The following FBXL18 variants were observed in gnomAD, a reference collection of about 807,000 sequenced individuals.
The protein encoded by FBXL18 is F-box/LRR-repeat protein 18.
FBXL18 carries 36 observed loss-of-function variants against 46.0 expected under a neutral mutation model. The ratio of observed to expected loss-of-function variants is 0.78; its 90% CI spans 0.60 to 1.03. FBXL18 has a LOEUF of 1.03. FBXL18 is among the 50% of genes least tolerant of loss of function. FBXL18 has a pLI of 0.00. For synonymous variants in FBXL18, 557 were observed against 465.3 expected (o/e 1.20, Z -2.54); for missense variants, 977 against 1,004.1 (o/e 0.97, Z 0.36).
rs138208570 is a variant in FBXL18 at position 5,462,950 on chromosome 7, C to CAAAAAAAAAAAAA, written c.2001-15120_2001-15108dup. Reference sequence around the variant, plus strand: ...TGGGCGACAGAGTGAGACTTGGTCTCAAAAAAAAAAAAAAAAAAAATATAT... The same window carrying CAAAAAAAAAAAAA: ...TGGGCGACAGAGTGAGACTTGGTCTCAAAAAAAAAAAAAAAAAAAAAAAAAAAAAAAAATATAT... On this transcript the variant is annotated intron_variant and NMD_transcript_variant, in intron 4 of 6. Transcript: ENST00000415009. Among the ~76,000 whole-genome samples the CAAAAAAAAAAAAA allele has an allele frequency of 1.2e-3, 27 of 22,364 alleles. 1 individual carries two copies. The highest frequency in any genetic ancestry group is 2.0e-3 in the African/African-American group (15 of 7,510). 14.7% of individuals were successfully genotyped at this position (22,364 alleles called of 152,430 possible). A position where few individuals can be genotyped will look rare whatever the true frequency, so the allele number is the denominator to read the frequency against.
chr7:5,500,495 C>A lies in FBXL18; in HGVS notation c.1774G>T (p.Asp592Tyr). Residue 592 changes from aspartate (D) to tyrosine (Y), a missense_variant, in exon 3 of 5, where the codon GAC becomes TAC. Coordinates refer to ENST00000382368, the MANE Select transcript of FBXL18 (RefSeq NM_024963.6). ...DMLKHCKRLR[D>Y]LRLEQPYFSA... ...TCCCCGCGGCCCCCTCACCTGAGGT[C>A]CCTCAGCCGCTTGCAGTGCTTCAAC... 1 of 1,599,702 alleles carries A rather than the reference C, an allele frequency of 6.3e-7. No individual in the cohort carries two copies. Among genetic ancestry groups the A allele is most frequent in the South Asian group, 1.1e-5 (1 of 89,522 alleles).
chr7:5,487,027 G>A (rs975551798), intron 4 of FBXL18, among the ~76,000 whole-genome samples: 2 of 152,288 alleles, frequency 1.3e-5, no homozygotes, highest in Non-Finnish European at 2.9e-5. Context: ...CAAAGCAGGG[G>A]GCGGGGCCTG....
chr7:5,491,512 C>G (rs1016823023), intron 3 of FBXL18, 63 bp from the exon 4 acceptor site: 1 of 1,397,304 alleles, frequency 7.2e-7, no homozygotes, highest in Non-Finnish European at 9.6e-7. Context: ...GCCAGCTGGG[C>G]GTCTGGAGGT....
rs138208570 is a variant in FBXL18, at chr7:5,462,950, CAAAAA to C, written c.2001-15112_2001-15108del. Among the ~76,000 whole-genome samples, 37 of 22,378 alleles carry C rather than the reference CAAAAA, an allele frequency of 1.7e-3. 1 individual carries two copies. Among genetic ancestry groups the C allele is most frequent in the African/African-American group, 4.1e-3 (31 of 7,516 alleles). 14.7% of individuals were successfully genotyped at this position (22,378 alleles called of 152,430 possible). On this transcript the variant is annotated intron_variant and NMD_transcript_variant, in intron 4 of 6. Coordinates refer to the FBXL18 transcript ENST00000415009. ...TGGGCGACAGAGTGAGACTTGGTCT[CAAAAA>C]AAAAAAAAAAAAAAATATATATATA...
chr7:5,480,527 A>AATATATATATATATATATATATATAT lies in FBXL18; in HGVS notation c.*1247_*1248insATATATATATATATATATATATATAT, dbSNP rs770993214. On this transcript the variant is annotated 3_prime_UTR_variant, in exon 5 of 5. Coordinates refer to ENST00000382368, the MANE Select transcript of FBXL18 (RefSeq NM_024963.6). ...CAAGTGATCCTCCCAAAGTGTGTTG[A>AATATATATATATATATATATATATAT]ATATATATATATATATATATATTTT... is the stretch of plus-strand genomic sequence containing the variant. 4 of 68,092 alleles carry AATATATATATATATATATATATATAT rather than the reference A, an allele frequency of 5.9e-5. No homozygotes were observed. The highest frequency in any genetic ancestry group is 2.6e-4 in the African/African-American group (4 of 15,510). The allele number at this position is 68,092 out of a possible 1,614,324, so 4.2% of individuals were successfully genotyped here. A position where few individuals can be genotyped will look rare whatever the true frequency, so the allele number is the denominator to read the frequency against.
At chr7:5,492,537 G>C (rs1287768290) in intron 3 of FBXL18, among the ~76,000 whole-genome samples, 1 of 152,026 alleles carries the variant, frequency 6.6e-6, no homozygotes, top group Non-Finnish European at 1.5e-5. Flanking sequence ...ACTGAGCTGC[G>C]ACGCCCCCCC....
In FBXL18 at chr7:5,500,730, G is replaced by A. The variant is rs1405937741; in HGVS notation, c.1539C>T (p.Cys513=). ...EPAIRNSLPP[C]SRAQSVGDSE... ...AGTCCCCGACACTCTGTGCGCGGCTGCAGGGTGGGAGCGAGTTGCGGATGG... is the reference window on the plus strand; with the variant it reads ...AGTCCCCGACACTCTGTGCGCGGCTACAGGGTGGGAGCGAGTTGCGGATGG... Residue 513 remains cysteine (C), a synonymous_variant, in exon 3 of 5, where the codon TGC becomes TGT. Coordinates refer to ENST00000382368, the MANE Select transcript of FBXL18 (RefSeq NM_024963.6). The A allele has an allele frequency of 3.1e-6, 5 of 1,612,216 alleles. No individual in the cohort carries two copies. Among genetic ancestry groups the A allele is most frequent in the Non-Finnish European group, 4.2e-6 (5 of 1,179,638 alleles).
chr7:5,512,920 C>A (rs373224860), intron 1 of FBXL18, among the ~76,000 whole-genome samples: 13 of 152,266 alleles, frequency 8.5e-5, no homozygotes, highest in African/African-American at 2.4e-4. Flanking sequence ...CTCCCTAGAA[C>A]CCAGGCAAGC....
At chr7:5,475,461 G>A (rs908673060), downstream of FBXL18, among the ~76,000 whole-genome samples, 3 of 152,214 alleles carry the variant, frequency 2.0e-5, no homozygotes, top group Non-Finnish European at 4.4e-5. The surrounding 1 kb of genome is among the most constrained non-coding windows in gnomAD (Gnocchi z 4.2). Flanking sequence ...CCACAGGGAG[G>A]CTTTTGCAGT....
downstream of FBXL18, among the ~76,000 whole-genome samples, chr7:5,471,572 G>A (rs555187912): frequency 7.3e-5 from 11 of 149,966 alleles, no homozygotes; most frequent in Non-Finnish European, 1.2e-4. Context: ...CATCACGCCC[G>A]GCTAATTTTT....
chr7:5,484,961 T>G (rs1783737168), intron 4 of FBXL18, among the ~76,000 whole-genome samples: 1 of 152,076 alleles, frequency 6.6e-6, no homozygotes, highest in South Asian at 2.1e-4. Context: ...TTTTTATTTT[T>G]TGTAGAGACA....
At chr7:5,482,570 C>T (rs938869337) in intron 4 of FBXL18, among the ~76,000 whole-genome samples, 5 of 150,528 alleles carry the variant, frequency 3.3e-5, no homozygotes, top group East Asian at 2.0e-4. Context: ...ACAATTGCCA[C>T]GGGGTGCCCA....
At chr7:5,493,227 C>T (rs958628578) in intron 3 of FBXL18, among the ~76,000 whole-genome samples, 3 of 152,180 alleles carry the variant, frequency 2.0e-5, no homozygotes, top group Non-Finnish European at 2.9e-5. Context: ...CCCAGCTACT[C>T]GGGAAGCTGA....
rs1584236519 is a variant in FBXL18 at position 5,501,849 on chromosome 7, G to C, written c.420C>G (p.Leu140=). The C allele has an allele frequency of 6.2e-7, 1 of 1,600,110 alleles. No homozygotes were observed. The highest frequency in any genetic ancestry group is 2.3e-5 in the East Asian group (1 of 44,330). Residue 140 remains leucine, a synonymous_variant, in exon 3 of 5, where the codon CTC becomes CTG. Coordinates refer to ENST00000382368, the MANE Select transcript of FBXL18 (RefSeq NM_024963.6). ...HLTSLRLSKM[L]SALQHLRSLA... ...GCGAGCGCAGGTGCTGCAGGGCCGA[G>C]AGCATCTTGGAGAGGCGCAGGGAAG...
At chr7:5,511,348 G>A (rs1333616638) in intron 1 of FBXL18, among the ~76,000 whole-genome samples, 1 of 151,896 alleles carries the variant, frequency 6.6e-6, no homozygotes, top group East Asian at 1.9e-4. Context: ...GGAGGCCAAG[G>A]TGGGCGGATC....
intron 3 of FBXL18, among the ~76,000 whole-genome samples, chr7:5,495,633 A>G (rs1377624961): frequency 3.3e-5 from 5 of 152,230 alleles, no homozygotes; most frequent in Admixed American, 6.5e-5. Flanking sequence ...TGGGATTCCA[A>G]GCTCTGCCAC....
intron 1 of FBXL18, 30 bp from the exon 2 acceptor site, chr7:5,505,660 G>A (rs1784377415): frequency 6.3e-7 from 1 of 1,583,896 alleles, no homozygotes; most frequent in Non-Finnish European, 8.7e-7. Context: ...CATTCCCACA[G>A]GATCCCCAAG....
rs1410367330 is a variant in FBXL18 at position 5,477,446 on chromosome 7, T to C, written c.*4329A>G. Among the ~76,000 whole-genome samples, 1 of 152,154 alleles carries C rather than the reference T, an allele frequency of 6.6e-6. No homozygotes were observed. The highest frequency in any genetic ancestry group is 1.9e-4 in the East Asian group (1 of 5,172). On this transcript the variant is annotated 3_prime_UTR_variant, in exon 5 of 5. Transcript: ENST00000382368. This position sits in a 1 kb window ranked among gnomAD's most constrained non-coding sequence, Gnocchi z 4.4. ...CGCCAGGCACGGTGGCTCACACCTGTTATCCTAGCACTTTGGGAGGCCGAG... is the reference window on the plus strand; with the variant it reads ...CGCCAGGCACGGTGGCTCACACCTGCTATCCTAGCACTTTGGGAGGCCGAG...
chr7:5,463,728 A>ATTTATTTAT (rs1562672288), intron 4 of FBXL18, among the ~76,000 whole-genome samples: 55 of 53,020 alleles, frequency 1.0e-3, no homozygotes, highest in South Asian at 1.5e-3. Context: ...TTATTTATTT[A>ATTTATTTAT]TTTTTTTTTT....
Sources: allele counts gnomAD v4.1 joint callset (sites outside exome capture counted in the v4.1 genomes callset), GRCh38; gene constraint gnomAD v4.1.1; non-coding constraint Gnocchi (gnomAD v3.1); transcripts MANE v1.5; gene names NCBI Gene and HGNC (gene_info 2026-07-23, HGNC 2026-07-21).